Variants in BAIAP2L1 observed in about 807,000 individuals in gnomAD.
BAIAP2L1 encodes BAR/IMD domain-containing adapter protein 2-like 1.
A neutral mutation model predicts 66.3 loss-of-function variants in BAIAP2L1; 35 were observed. The observed-to-expected ratio is 0.53, with a 90% CI of 0.40 to 0.70. BAIAP2L1 has a LOEUF of 0.70. Among genes scored for constraint, BAIAP2L1 ranks in the 30% least tolerant of loss-of-function variants. The pLI is 0.00. For synonymous variants in BAIAP2L1, 269 were observed against 248.7 expected, an observed-to-expected ratio of 1.08 and a Z score of -0.77; for missense variants, 622 against 656.9, an observed-to-expected ratio of 0.95 and a Z score of 0.58.
chr7:98,314,185 G>A (rs1397795181), intron 7 of BAIAP2L1, among the ~76,000 whole-genome samples: 2 of 151,836 alleles, frequency 1.3e-5, no homozygotes, highest in East Asian at 3.9e-4. Context: ...GTTTCACCAT[G>A]TTGGCCAGGC....
At chr7:98,394,476 G>A (rs559936214) in intron 1 of BAIAP2L1, among the ~76,000 whole-genome samples, 22 of 152,118 alleles carry the variant, frequency 1.4e-4, no homozygotes, top group Non-Finnish European at 2.2e-4. Context: ...ACAGAGAAAC[G>A]GCAGATCATC....
At chr7:98,379,393 C>T (rs994364477) in intron 1 of BAIAP2L1, among the ~76,000 whole-genome samples, 1 of 152,140 alleles carries the variant, frequency 6.6e-6, no homozygotes, top group Non-Finnish European at 1.5e-5. Context: ...ACAAAGGCCC[C>T]GTGGGTCAAT....
chr7:98,354,846 GC>G (rs760897699), intron 3 of BAIAP2L1, among the ~76,000 whole-genome samples, 195 bp downstream of exon 3: 1 of 152,146 alleles, frequency 6.6e-6, no homozygotes, highest in Non-Finnish European at 1.5e-5. Context: ...AGAAAACAAG[GC>G]CTCCACTCGC....
At chr7:98,350,265 G>A (rs1445878718) in intron 3 of BAIAP2L1, among the ~76,000 whole-genome samples, 1 of 151,976 alleles carries the variant, frequency 6.6e-6, no homozygotes, top group Non-Finnish European at 1.5e-5. Context: ...AGTGGCTGCT[G>A]ACCAGACCAT....
chr7:98,296,069 AT>A (rs1800177472), intron 12 of BAIAP2L1, among the ~76,000 whole-genome samples: 1 of 152,060 alleles, frequency 6.6e-6, no homozygotes, highest in Non-Finnish European at 1.5e-5. Flanking sequence ...ACGCCCGTCA[AT>A]GGGAGAGTCA....
chr7:98,312,397 C>T (rs955842194), intron 7 of BAIAP2L1, 133 bp from the exon 8 acceptor site: 12 of 949,582 alleles, frequency 1.3e-5, no homozygotes, highest in African/African-American at 5.0e-5. Context: ...GGGTTAAACT[C>T]GGTGAGCACT....
At chr7:98,398,935 C>G (rs1280694895) in intron 1 of BAIAP2L1, among the ~76,000 whole-genome samples, 1 of 152,168 alleles carries the variant, frequency 6.6e-6, no homozygotes, top group African/African-American at 2.4e-5. Context: ...CCCCAGTGGA[C>G]ATCAGACTCT....
At chr7:98,393,097 A>G (rs149933692) in intron 1 of BAIAP2L1, among the ~76,000 whole-genome samples, 3 of 108,006 alleles carry the variant, frequency 2.8e-5, no homozygotes, top group East Asian at 2.5e-4. Flanking sequence ...ATACATATAT[A>G]CGTGTACATA....
At chr7:98,356,031 AAAGAC>A (rs529143390) in intron 2 of BAIAP2L1, among the ~76,000 whole-genome samples, 95 of 152,276 alleles carry the variant, frequency 6.2e-4, no homozygotes, top group South Asian at 2.1e-3. Context: ...CTTTTTTGGC[AAAGAC>A]AAGAAAACTT....
At chr7:98,383,387 G>A (rs544138980) in intron 1 of BAIAP2L1, among the ~76,000 whole-genome samples, 5 of 150,472 alleles carry the variant, frequency 3.3e-5, no homozygotes, top group South Asian at 2.1e-4. Context: ...TGGTTCAAGC[G>A]ATTCTCCTGC....
chr7:98,341,084 G>A (rs1801732748), intron 3 of BAIAP2L1, among the ~76,000 whole-genome samples: 1 of 150,714 alleles, frequency 6.6e-6, no homozygotes. Context: ...AAATTGAGAT[G>A]AGAAAAGCCA....
At chr7:98,358,188 T>C (rs1584482960) in intron 2 of BAIAP2L1, among the ~76,000 whole-genome samples, 1 of 152,310 alleles carries the variant, frequency 6.6e-6, no homozygotes, top group South Asian at 2.1e-4. Flanking sequence ...TGTAACCTTC[T>C]CGGTCTTGTA....
rs188258933 is a variant in BAIAP2L1, at chr7:98,369,410, G to A, written c.52-6978C>T. Among the ~76,000 whole-genome samples, 34 of 152,324 alleles carry A rather than the reference G, an allele frequency of 2.2e-4. No individual in the cohort carries two copies. In the East Asian group the frequency reaches 6.2e-3, roughly 28 times the overall value. The stretch of plus-strand genomic sequence containing the variant: ...AGGTAGGTGAATCGCTTGAACTCAA[G>A]AGACGGAGGTAGCAGTGAGATCGTG... On this transcript the variant is annotated intron_variant, in intron 1 of 13. Transcript: ENST00000005260.
intron 1 of BAIAP2L1, chr7:98,385,716 G>GA (rs1802871206): frequency 2.5e-6 from 3 of 1,210,050 alleles, no homozygotes; most frequent in Non-Finnish European, 2.3e-6. Context: ...ACCCAGCCAG[G>GA]AATCAACATT....
At chr7:98,351,744 T>G (rs1802005959) in intron 3 of BAIAP2L1, among the ~76,000 whole-genome samples, 1 of 152,198 alleles carries the variant, frequency 6.6e-6, no homozygotes, top group African/African-American at 2.4e-5. Flanking sequence ...CTTAACTCAC[T>G]GTTCATTGGG....
chr7:98,312,086 C>G lies in BAIAP2L1; in HGVS notation c.807+11G>C, dbSNP rs1259748417. ...CACGATTGAAATCTGGAAGAGAAAA[C>G]TGGCTCCTACCACATTGCTTCTCTC... is the stretch of plus-strand genomic sequence containing the variant. On this transcript the variant is annotated intron_variant, in intron 8 of 13. Coordinates refer to ENST00000005260, the MANE Select transcript of BAIAP2L1 (RefSeq NM_018842.5). 6.3e-7 allele frequency: 1 copy of G among 1,578,054 alleles called. No homozygotes were observed. Among genetic ancestry groups the G allele is most frequent in the African/African-American group, 1.4e-5 (1 of 73,100 alleles).
intron 1 of BAIAP2L1, among the ~76,000 whole-genome samples, chr7:98,362,871 C>T (rs1207413424): frequency 6.6e-6 from 1 of 152,030 alleles, no homozygotes; most frequent in Non-Finnish European, 1.5e-5. Flanking sequence ...AATTTCTATC[C>T]ACTGAATAGA....
chr7:98,294,037 G>T, intron 13 of BAIAP2L1, 37 bp downstream of exon 13: 1 of 1,609,388 alleles, frequency 6.2e-7, no homozygotes, highest in Middle Eastern at 1.7e-4. Flanking sequence ...GAAGAGCAAT[G>T]TCACACACTG....
intron 2 of BAIAP2L1, among the ~76,000 whole-genome samples, chr7:98,357,176 A>C (rs1404619521): frequency 6.7e-6 from 1 of 148,292 alleles, no homozygotes; most frequent in Non-Finnish European, 1.5e-5. Flanking sequence ...TGTGAGCCAC[A>C]GAATTAATTC....
Sources: gnomAD v4.1 joint callset for allele counts (sites outside exome capture counted in the v4.1 genomes callset) on GRCh38, gnomAD v4.1.1 for gene constraint, MANE v1.5 for transcripts, NCBI Gene and HGNC (gene_info 2026-07-23, HGNC 2026-07-21) for gene names.